PPFIA2: variants seen among roughly 807,000 people sequenced by gnomAD.
PPFIA2 encodes the protein PPFI scaffold protein A2, also known as liprin-alpha-2.
Under a neutral mutation model 175.5 loss-of-function variants are expected in PPFIA2, and 46 were observed. That is an observed-to-expected ratio of 0.26 (90% CI 0.21 to 0.34). PPFIA2 has a LOEUF of 0.34. Among genes scored for constraint, PPFIA2 ranks in the 10% least tolerant of loss-of-function variants. The pLI, the probability that PPFIA2 is intolerant of heterozygous loss-of-function variation, is 1.00. For synonymous variants in PPFIA2, 568 were observed against 511.4 expected (o/e 1.11, Z -1.49); for missense variants, 1,179 against 1,506.1 (o/e 0.78, Z 3.60).
chr12:81,297,728 G>T (rs1565985257), intron 23 of PPFIA2, among the ~76,000 whole-genome samples: 1 of 152,190 alleles, frequency 6.6e-6, no homozygotes, highest in Non-Finnish European at 1.5e-5. Flanking sequence ...CCAAATGCCT[G>T]CCAATACATT....
At chr12:81,655,687 A>G (rs1045059269) in intron 4 of PPFIA2, among the ~76,000 whole-genome samples, 1 of 152,014 alleles carries the variant, frequency 6.6e-6, no homozygotes. Context: ...TATGATTTCA[A>G]TTCTTTGACA....
At chr12:81,739,471 G>T (rs1215718964) in intron 3 of PPFIA2, among the ~76,000 whole-genome samples, 1 of 151,732 alleles carries the variant, frequency 6.6e-6, no homozygotes, top group African/African-American at 2.4e-5. Context: ...AATTAACAAA[G>T]ATAATATAAT....
At chr12:81,348,121 C>T (rs181359295) in intron 17 of PPFIA2, among the ~76,000 whole-genome samples, 324 of 152,114 alleles carry the variant, frequency 2.1e-3, no homozygotes, top group African/African-American at 7.4e-3. Flanking sequence ...CCTCAGGAAC[C>T]ACTAAAAGAG....
Position 81,259,637 on chromosome 12 carries a change from T to C in PPFIA2, c.*57A>G. 6.5e-7 allele frequency: 1 copy of C among 1,534,394 alleles called. No individual in the cohort carries two copies. Among genetic ancestry groups the C allele is most frequent in the Non-Finnish European group, 8.7e-7 (1 of 1,145,560 alleles). On this transcript the variant is annotated 3_prime_UTR_variant, in exon 33 of 33. Transcript: ENST00000549396. The stretch of plus-strand genomic sequence containing the variant: ...TTCTTAGATGGTAGTGCACTTTAGG[T>C]AGAGTAGACTGAAAAGACGCCATCT...
At chr12:81,712,491 G>A (rs961836625) in intron 3 of PPFIA2, among the ~76,000 whole-genome samples, 1 of 151,208 alleles carries the variant, frequency 6.6e-6, no homozygotes, top group Admixed American at 6.8e-5. Flanking sequence ...ATTAAAAGCA[G>A]TGTTGCCTAA....
intron 4 of PPFIA2, among the ~76,000 whole-genome samples, chr12:81,529,624 G>A (rs943528404): frequency 1.3e-5 from 2 of 150,774 alleles, no homozygotes; most frequent in African/African-American, 2.4e-5. Context: ...AAAATACAAA[G>A]GCAAGCAAGG....
chr12:81,491,766 T>C (rs79938346), intron 4 of PPFIA2, among the ~76,000 whole-genome samples: 1,604 of 152,064 alleles, frequency 0.011, 38 homozygotes, highest in African/African-American at 0.037. Context: ...GTATCCTAAA[T>C]TGTCGAAGAC....
At chr12:81,620,148 A>C (rs2061882210) in intron 4 of PPFIA2, among the ~76,000 whole-genome samples, 1 of 127,264 alleles carries the variant, frequency 7.9e-6, no homozygotes, top group Admixed American at 9.2e-5. Context: ...CCACAGAGTG[A>C]CACTCCTTCT....
intron 5 of PPFIA2, among the ~76,000 whole-genome samples, chr12:81,453,797 G>A (rs768975301): frequency 1.3e-5 from 2 of 152,126 alleles, no homozygotes; most frequent in African/African-American, 2.4e-5. Flanking sequence ...CAATGTCAAC[G>A]AGGTGTTTCT....
At chr12:81,453,988 C>T (rs565064538) in intron 5 of PPFIA2, among the ~76,000 whole-genome samples, 6 of 152,090 alleles carry the variant, frequency 3.9e-5, no homozygotes, top group Admixed American at 6.6e-5. Context: ...GAGGTGAAGA[C>T]GGGCCGACTG....
Position 81,510,924 on chromosome 12 carries a change from G to T in PPFIA2, c.304-53058C>A, listed in dbSNP as rs1416416996. 8.6e-5 allele frequency among the ~76,000 whole-genome samples: 13 copies of T among 152,010 alleles called. No individual in the cohort carries two copies. In the East Asian group the frequency reaches 2.5e-3, roughly 29 times the overall value. Reference sequence around the variant, plus strand: ...AGGGAGGCTGATGTGCAACTAATTAGAAAACATTCTAATTAGTTTTCTTTA... The same window carrying T: ...AGGGAGGCTGATGTGCAACTAATTATAAAACATTCTAATTAGTTTTCTTTA... On this transcript the variant is annotated intron_variant, in intron 4 of 32. Transcript: ENST00000549396.
intron 8 of PPFIA2, among the ~76,000 whole-genome samples, chr12:81,392,666 A>G (rs1279322979): frequency 1.3e-5 from 2 of 151,988 alleles, no homozygotes; most frequent in African/African-American, 4.8e-5. Context: ...AAAAGTTTAA[A>G]TCTTAACTTA....
chr12:81,531,423 C>T (rs2064543166), intron 4 of PPFIA2, among the ~76,000 whole-genome samples: 1 of 151,514 alleles, frequency 6.6e-6, no homozygotes, highest in Non-Finnish European at 1.5e-5. Context: ...AAAAAGGAAA[C>T]AAAACCCAAC....
chr12:81,484,660 T>C (rs2058625231), intron 4 of PPFIA2, among the ~76,000 whole-genome samples: 1 of 151,976 alleles, frequency 6.6e-6, no homozygotes, highest in African/African-American at 2.4e-5. Context: ...GGCCAGACCC[T>C]TATTCTAGCA....
intron 24 of PPFIA2, among the ~76,000 whole-genome samples, chr12:81,294,357 G>T (rs565611557): frequency 4.6e-5 from 7 of 151,630 alleles, no homozygotes; most frequent in African/African-American, 1.7e-4. Context: ...AATCACTAAT[G>T]CTTATATCTT....
intron 4 of PPFIA2, among the ~76,000 whole-genome samples, chr12:81,628,260 G>A (rs1280009301): frequency 6.6e-6 from 1 of 151,836 alleles, no homozygotes; most frequent in Admixed American, 6.6e-5. Flanking sequence ...ATACAATCAG[G>A]CATTTAAGGT....
intron 3 of PPFIA2, among the ~76,000 whole-genome samples, chr12:81,728,506 C>T (rs957196387): frequency 1.6e-4 from 24 of 151,478 alleles, no homozygotes; most frequent in Middle Eastern, 3.4e-3. Flanking sequence ...ATTAGTACAA[C>T]TATACTTCCT....
intron 4 of PPFIA2, among the ~76,000 whole-genome samples, chr12:81,523,878 GCCCATA>G (rs2063446205): frequency 6.6e-6 from 1 of 152,186 alleles, no homozygotes; most frequent in South Asian, 2.1e-4. Flanking sequence ...ACATCAGTTT[GCCCATA>G]CCTTCCAAAA....
chr12:81,498,313 G>T (rs1186855469), intron 4 of PPFIA2, among the ~76,000 whole-genome samples: 1 of 152,066 alleles, frequency 6.6e-6, no homozygotes, highest in Admixed American at 6.6e-5. Context: ...ATATTACTCT[G>T]TTCCAGGATC....
Sources: gnomAD v4.1 joint callset for allele counts (sites outside exome capture counted in the v4.1 genomes callset) on GRCh38, gnomAD v4.1.1 for gene constraint, MANE v1.5 for transcripts, NCBI Gene and HGNC (gene_info 2026-07-23, HGNC 2026-07-21) for gene names.